The following SH3PXD2B variants were observed in gnomAD, a reference collection of about 807,000 sequenced individuals.
SH3PXD2B encodes SH3 and PX domains 2B.
In SH3PXD2B, 37 loss-of-function variants were observed where a neutral mutation model predicts 73.1. The observed-to-expected ratio is 0.51, with a 90% confidence interval of 0.39 to 0.67. SH3PXD2B has a LOEUF of 0.67. Among genes scored for constraint, SH3PXD2B ranks in the 30% least tolerant of loss-of-function variants. SH3PXD2B has a pLI of 0.00. For missense variants in SH3PXD2B, 1,053 were observed against 1,197.8 expected, an observed-to-expected ratio of 0.88 and a Z score of 1.78; for synonymous variants, 457 against 480.5, an observed-to-expected ratio of 0.95 and a Z score of 0.64.
intron 6 of SH3PXD2B, among the ~76,000 whole-genome samples, chr5:172,368,456 T>TATATATATATTATATATATATATATAAA (rs1757575116): frequency 4.7e-5 from 2 of 42,644 alleles, no homozygotes; most frequent in African/African-American, 8.9e-5. Context: ...AGAATGCTTA[T>TATATATATATTATATATATATATATAAA]ATATATATAT....
chr5:172,439,692 G>GCGCGCACACACACACACACA (rs1554087696), intron 1 of SH3PXD2B, among the ~76,000 whole-genome samples: 2 of 138,538 alleles, frequency 1.4e-5, no homozygotes, highest in African/African-American at 5.6e-5. Context: ...GCACGCGCGC[G>GCGCGCACACACACACACACA]CACACACACA....
chr5:172,441,809 G>A (rs1056312521), intron 1 of SH3PXD2B, among the ~76,000 whole-genome samples: 1 of 151,998 alleles, frequency 6.6e-6, no homozygotes, highest in Admixed American at 6.6e-5. Context: ...CAGACCCTGG[G>A]GACAGCCACC....
chr5:172,370,140 T>C (rs1001109335), intron 6 of SH3PXD2B, among the ~76,000 whole-genome samples: 4 of 152,028 alleles, frequency 2.6e-5, no homozygotes, highest in African/African-American at 9.7e-5. Flanking sequence ...CTAGAAACCC[T>C]TCCTCCTCTA....
intron 6 of SH3PXD2B, among the ~76,000 whole-genome samples, chr5:172,372,178 C>T (rs1368657118): frequency 2.6e-5 from 4 of 152,042 alleles, no homozygotes; most frequent in African/African-American, 4.8e-5. Context: ...AATCTCATGT[C>T]GAACTGTAAT....
At position 172,336,391 on chromosome 5, in the gene SH3PXD2B, G is replaced by A. The variant is rs1431121401; in HGVS notation, c.*1978C>T. ...GGCTGCCATCTGCCCCCAACGCTCTGGGCACAGGGCCAAGTGGCAAGTGGG... is the reference window on the plus strand; with the variant it reads ...GGCTGCCATCTGCCCCCAACGCTCTAGGCACAGGGCCAAGTGGCAAGTGGG... On this transcript the variant is annotated 3_prime_UTR_variant, in exon 13 of 13. Transcript: ENST00000311601. 6 of 985,780 alleles carry A rather than the reference G, an allele frequency of 6.1e-6. No homozygotes were observed. The highest frequency in any genetic ancestry group is 6.0e-6 in the Non-Finnish European group (5 of 830,022). The allele number at this position is 985,780 out of a possible 1,614,324, so 61.1% of individuals were successfully genotyped here.
At chr5:172,417,426 A>G (rs1304503958) in intron 2 of SH3PXD2B, among the ~76,000 whole-genome samples, 1 of 152,226 alleles carries the variant, frequency 6.6e-6, no homozygotes, top group Non-Finnish European at 1.5e-5. Flanking sequence ...CCAAGTCCTC[A>G]TTGATGTGTG....
chr5:172,444,068 G>T (rs1000104839), intron 1 of SH3PXD2B, among the ~76,000 whole-genome samples: 4 of 152,102 alleles, frequency 2.6e-5, no homozygotes. Context: ...CAGCAACAGC[G>T]CCCTGAATCT....
chr5:172,387,165 T>G (rs910219113), intron 4 of SH3PXD2B, among the ~76,000 whole-genome samples: 2 of 152,220 alleles, frequency 1.3e-5, no homozygotes, highest in Non-Finnish European at 2.9e-5. Flanking sequence ...GCCCATAGTT[T>G]AAAATACTAC....
rs139965774 is a variant in SH3PXD2B, at chr5:172,427,350, T to C, written c.76-4854A>G. On this transcript the variant is annotated intron_variant, in intron 1 of 12. Transcript: ENST00000311601. The stretch of plus-strand genomic sequence containing the variant: ...GAATGGGTAGAATGGGGAGTGGTTA[T>C]TTTTCATTCTTCTGAGATGAGGTCT... Among the ~76,000 whole-genome samples, 467 of 152,242 alleles carry C rather than the reference T, an allele frequency of 3.1e-3. 4 individuals carry two copies. Among genetic ancestry groups the C allele is most frequent in the Admixed American group, 0.011 (162 of 15,286 alleles).
intron 1 of SH3PXD2B, among the ~76,000 whole-genome samples, chr5:172,422,775 T>C (rs971059688): frequency 2.0e-5 from 3 of 152,308 alleles, no homozygotes; most frequent in East Asian, 3.9e-4. Flanking sequence ...GTTTTCGGCA[T>C]TGCCAGGATT....
intron 3 of SH3PXD2B, 129 bp downstream of exon 3, chr5:172,406,148 G>A (rs1339475551): frequency 2.2e-5 from 24 of 1,080,318 alleles, no homozygotes; most frequent in Non-Finnish European, 3.1e-5. Flanking sequence ...TTCTACAAAT[G>A]GCTGAGATTC....
chr5:172,420,102 C>T (rs1244197071), intron 2 of SH3PXD2B, among the ~76,000 whole-genome samples: 1 of 152,220 alleles, frequency 6.6e-6, no homozygotes, highest in Non-Finnish European at 1.5e-5. Context: ...TCCTCCCTTC[C>T]TCTTCCCCAG....
At chr5:172,393,857 G>A (rs1243077781) in intron 4 of SH3PXD2B, among the ~76,000 whole-genome samples, 1 of 152,174 alleles carries the variant, frequency 6.6e-6, no homozygotes, top group Non-Finnish European at 1.5e-5. Context: ...GGAAGCTGCT[G>A]CACCATCAAA....
At chr5:172,379,969 G>A (rs1757907767) in intron 5 of SH3PXD2B, among the ~76,000 whole-genome samples, 2 of 152,140 alleles carry the variant, frequency 1.3e-5, no homozygotes, top group Non-Finnish European at 2.9e-5. Flanking sequence ...CTTCCAAACT[G>A]TGCCTCTCTT....
chr5:172,346,363 G>C (rs758505821), intron 11 of SH3PXD2B, 102 bp from the exon 12 acceptor site: 18 of 1,562,558 alleles, frequency 1.2e-5, no homozygotes, highest in Non-Finnish European at 1.6e-5. Context: ...CACCCTTAAG[G>C]GGGTGCTGGG....
chr5:172,329,032 CGT>C (rs201179638), downstream of SH3PXD2B, among the ~76,000 whole-genome samples: 60 of 66,906 alleles, frequency 9.0e-4, no homozygotes, highest in South Asian at 2.2e-3. Context: ...TATACATATA[CGT>C]ATATATATGT....
At chr5:172,393,847 G>A (rs1019653141) in intron 4 of SH3PXD2B, among the ~76,000 whole-genome samples, 1 of 152,188 alleles carries the variant, frequency 6.6e-6, no homozygotes, top group African/African-American at 2.4e-5. Flanking sequence ...TCAAGGGACA[G>A]GAAGCTGCTG....
rs372106585 is a variant in SH3PXD2B at position 172,339,460 on chromosome 5, G to A, written c.1645C>T (p.Leu549Phe). ...RERERQRTEQ[L>F]RGPTPKPPGV... Reference sequence around the variant, plus strand: ...GGAGGCTTGGGAGTGGGGCCCCGGAGCTGCTCCGTCCTCTGCCGCTCCCGC... The same window carrying A: ...GGAGGCTTGGGAGTGGGGCCCCGGAACTGCTCCGTCCTCTGCCGCTCCCGC... The change falls in exon 13 of 13, where the codon CTC becomes TTC. Residue 549 changes from leucine to phenylalanine, a missense_variant. Transcript: ENST00000311601. The surrounding 1 kb of genome is among the most constrained non-coding windows in gnomAD (Gnocchi z 6.1). 5 of 1,613,958 alleles carry A rather than the reference G, an allele frequency of 3.1e-6. No individual in the cohort carries two copies. The highest frequency in any genetic ancestry group is 2.7e-5 in the African/African-American group (2 of 75,054).
chr5:172,413,054 G>T (rs1758737659), intron 2 of SH3PXD2B, among the ~76,000 whole-genome samples: 2 of 152,344 alleles, frequency 1.3e-5, no homozygotes, highest in Non-Finnish European at 2.9e-5. Context: ...ACCACACGTG[G>T]TTTGCGTTAG....
Sources: allele counts gnomAD v4.1 joint callset (sites outside exome capture counted in the v4.1 genomes callset), GRCh38; gene constraint gnomAD v4.1.1; non-coding constraint Gnocchi (gnomAD v3.1); transcripts MANE v1.5; gene names NCBI Gene and HGNC (gene_info 2026-07-23, HGNC 2026-07-21).